The following SETD6 variants were observed in gnomAD, a reference collection of about 807,000 sequenced individuals.
SETD6 encodes SET domain containing 6, protein lysine methyltransferase.
In SETD6, 67 loss-of-function variants were observed where a neutral mutation model predicts 52.7. That is an observed-to-expected ratio of 1.27 (90% confidence interval 1.04 to 1.56). The LOEUF is 1.56. Ranked by LOEUF, SETD6 falls within the 40% of genes most tolerant of loss-of-function variation. The pLI, the probability that SETD6 is intolerant of heterozygous loss-of-function variation, is 0.00. For synonymous variants in SETD6, 307 were observed against 250.2 expected, an observed-to-expected ratio of 1.23 and a Z score of -2.14; for missense variants, 712 against 607.5, an observed-to-expected ratio of 1.17 and a Z score of -1.81.
rs1341833457 is a variant in SETD6, at chr16:58,517,334, T to C, written c.792+406T>C. The C allele has an allele frequency of 5.2e-5, 13 of 250,250 alleles. No homozygotes were observed. In the South Asian group the frequency reaches 6.0e-4, roughly 12 times the overall value. The allele number at this position is 250,250 out of a possible 1,614,324, so 15.5% of individuals were successfully genotyped here. ...GTCTAAGACGATCCTAGAACTGATA[T>C]AAAGCTGTGTTTATACCAGCTCTAT... On this transcript the variant is annotated intron_variant, in intron 5 of 7. Transcript: ENST00000219315.
intron 7 of SETD6, 68 bp downstream of exon 7, chr16:58,518,611 GA>G: frequency 6.3e-7 from 1 of 1,579,676 alleles, no homozygotes; most frequent in Non-Finnish European, 8.5e-7. Context: ...GCTAGAAGAT[GA>G]GAGAGGAAAT....
intron 3 of SETD6, 29 bp downstream of exon 3, chr16:58,516,372 G>A: frequency 1.2e-6 from 2 of 1,603,666 alleles, no homozygotes; most frequent in Non-Finnish European, 1.7e-6. Flanking sequence ...GTTGGGGAGC[G>A]CCTGCACCGT....
In SETD6 at chr16:58,515,796, G is replaced by A. The variant is rs1322949842; in HGVS notation, c.33G>A (p.Ala11=). 4 of 1,511,552 alleles carry A rather than the reference G, an allele frequency of 2.6e-6. No individual in the cohort carries two copies. Among genetic ancestry groups the A allele is most frequent in the South Asian group, 2.6e-5 (2 of 77,932 alleles). The allele number at this position is 1,511,552 out of a possible 1,614,324, so 93.6% of individuals were successfully genotyped here. A position where few individuals can be genotyped will look rare whatever the true frequency, so the allele number is the denominator to read the frequency against. The part of the protein sequence containing the change: MATQAKRPRV[A]GPVDGGDLDP... ...ACTGCGCGCACTTATCTCAGGTGGC[G>A]GGGCCCGTGGACGGCGGCGACCTGG... is the stretch of plus-strand genomic sequence containing the variant. The change falls in exon 2 of 8, where the codon GCG becomes GCA. Residue 11 remains alanine (A), a synonymous_variant. Transcript: ENST00000219315.
At chr16:58,515,662 G>A (rs2039097376) in intron 1 of SETD6, 98 bp downstream of exon 1, 24 of 1,411,286 alleles carry the variant, frequency 1.7e-5, no homozygotes, top group Non-Finnish European at 2.2e-5. Context: ...CCCTCCCGCG[G>A]GTCCCGCGCC....
At position 58,518,013 on chromosome 16, in the gene SETD6, G is replaced by A. The variant is rs78916270; in HGVS notation, c.793-38G>A. ...GAAATAATCTTCATGGGGCTGGCCC[G>A]TGAAAGGCATGGCCCCAGCTTCTCC... On this transcript the variant is annotated intron_variant, in intron 5 of 7. Transcript: ENST00000219315. The A allele has an allele frequency of 9.2e-4, 1,486 of 1,613,494 alleles. 10 individuals carry two copies. In the African/African-American group the frequency reaches 0.016, roughly 17 times the overall value.
chr16:58,523,602 A>T lies in SETD6; in HGVS notation c.*4573A>T. The T allele has an allele frequency of 9.1e-7, 1 of 1,098,842 alleles. No homozygotes were observed. The highest frequency in any genetic ancestry group is 1.3e-6 in the Non-Finnish European group (1 of 769,414). The allele number at this position is 1,098,842 out of a possible 1,614,324, so 68.1% of individuals were successfully genotyped here. ...GTTTGGGTTTCTGACAGAGGCTTTCAAATTAATCTTTGGTTTAAAGCAGTG... is the reference window on the plus strand; with the variant it reads ...GTTTGGGTTTCTGACAGAGGCTTTCTAATTAATCTTTGGTTTAAAGCAGTG... On this transcript the variant is annotated 3_prime_UTR_variant, in exon 8 of 8. Transcript: ENST00000219315.
chr16:58,516,334 C>T lies in SETD6; in HGVS notation c.467C>T (p.Pro156Leu), dbSNP rs753691468. ...LWPELGRLEHPMFWPEEERRC... is the reference protein window; with the variant it reads ...LWPELGRLEHLMFWPEEERRC... ...CCCGAGCTGGGCCGCTTGGAGCACC[C>T]GATGTTCTGGTGAGAGCCTTGGGAG... The change falls in exon 3 of 8, where the codon CCG becomes CTG. Residue 156 changes from proline (P) to leucine (L), a missense_variant. Physicochemically the swap from Pro to Leu is moderately conservative, Grantham distance 98. Coordinates refer to ENST00000219315, the MANE Select transcript of SETD6 (RefSeq NM_001160305.4). 20 of 1,609,210 alleles carry T rather than the reference C, an allele frequency of 1.2e-5. No individual in the cohort carries two copies. The highest frequency in any genetic ancestry group is 1.5e-5 in the Non-Finnish European group (18 of 1,179,926).
At position 58,516,562 on chromosome 16, in the gene SETD6, G is replaced by A. The variant is rs1313141801; in HGVS notation, c.561G>A (p.Glu187=). ...VEKDLANIRS[E]YQSIVLPFME... ...AGGATTTGGCCAACATCCGCAGCGA[G>A]TACCAGTCCATCGTGCTGCCCTTCA... is the stretch of plus-strand genomic sequence containing the variant. Residue 187 remains glutamate (E), a synonymous_variant, in exon 4 of 8, where the codon GAG becomes GAA. Transcript: ENST00000219315. The A allele has an allele frequency of 8.7e-6, 14 of 1,614,192 alleles. No homozygotes were observed. The highest frequency in any genetic ancestry group is 6.7e-5 in the Admixed American group (4 of 60,022).
At position 58,522,237 on chromosome 16, in the gene SETD6, C is replaced by CAAAAAAAAAAAAAAAAAA. The variant is rs56149974; in HGVS notation, c.*3221_*3238dup. 1.0e-5 allele frequency among the ~76,000 whole-genome samples: 1 copy of CAAAAAAAAAAAAAAAAAA among 98,556 alleles called. No individual in the cohort carries two copies. The highest frequency in any genetic ancestry group is 4.2e-5 in the African/African-American group (1 of 23,600). 64.7% of individuals were successfully genotyped at this position (98,556 alleles called of 152,430 possible). On this transcript the variant is annotated 3_prime_UTR_variant, in exon 8 of 8. Transcript: ENST00000219315. ...AGGAGGCGACAAAGCGAGACTGTCT[C>CAAAAAAAAAAAAAAAAAA]AAAAAAAAAAAAAAAAAAAAAAAAA... is the stretch of plus-strand genomic sequence containing the variant.
chr16:58,518,775 G>A lies in SETD6; in HGVS notation c.1168G>A (p.Gly390Arg). The A allele has an allele frequency of 6.2e-7, 1 of 1,614,166 alleles. No individual in the cohort carries two copies. The highest frequency in any genetic ancestry group is 8.5e-7 in the Non-Finnish European group (1 of 1,180,034). Residue 390 changes from glycine (G) to arginine (R), a missense_variant, in exon 8 of 8, where the codon GGG (glycine) becomes AGG (arginine). Gly to Arg is a moderately radical substitution (Grantham distance 125). Transcript: ENST00000219315. ...EFRELKDQDG[G>R]GDDKREEGSL... ...CAGAGAGCTTAAAGACCAGGATGGAGGGGGAGATGATAAAAGGGAAGAGGG... is the reference window on the plus strand; with the variant it reads ...CAGAGAGCTTAAAGACCAGGATGGAAGGGGAGATGATAAAAGGGAAGAGGG...
chr16:58,520,939 A>G lies in SETD6; in HGVS notation c.*1910A>G. On this transcript the variant is annotated 3_prime_UTR_variant, in exon 8 of 8. Transcript: ENST00000219315. ...GTGAGACCTCTAGACTGACACGTACAACAGAGATGCAGTTTCGTCTAACTG... is the reference window on the plus strand; with the variant it reads ...GTGAGACCTCTAGACTGACACGTACGACAGAGATGCAGTTTCGTCTAACTG... The G allele has an allele frequency of 6.2e-7, 1 of 1,611,194 alleles. No homozygotes were observed. Among genetic ancestry groups the G allele is most frequent in the Middle Eastern group, 1.6e-4 (1 of 6,062 alleles).
intron 5 of SETD6, 24 bp from the exon 6 acceptor site, chr16:58,518,027 C>T (rs746694572): frequency 1.2e-6 from 2 of 1,614,010 alleles, no homozygotes; most frequent in Admixed American, 1.7e-5. Flanking sequence ...AAGGCATGGC[C>T]CCAGCTTCTC....
Position 58,521,058 on chromosome 16 carries a change from A to G in SETD6, c.*2029A>G. On this transcript the variant is annotated 3_prime_UTR_variant, in exon 8 of 8. Coordinates refer to ENST00000219315, the MANE Select transcript of SETD6 (RefSeq NM_001160305.4). ...TAACCTGAAGGATGAAGACAGTTAC[A>G]AATCTCTGATTAAAGAGTAGGCCTA... 6.2e-7 allele frequency: 1 copy of G among 1,614,148 alleles called. No homozygotes were observed. The highest frequency in any genetic ancestry group is 8.5e-7 in the Non-Finnish European group (1 of 1,180,030).
At position 58,519,183 on chromosome 16, in the gene SETD6, G is replaced by T; in HGVS notation, c.*154G>T. The T allele has an allele frequency of 5.7e-6, 4 of 700,404 alleles. No individual in the cohort carries two copies. The highest frequency in any genetic ancestry group is 9.3e-6 in the Non-Finnish European group (4 of 431,598). The allele number at this position is 700,404 out of a possible 1,614,324, so 43.4% of individuals were successfully genotyped here. A position where few individuals can be genotyped will look rare whatever the true frequency, so the allele number is the denominator to read the frequency against. On this transcript the variant is annotated 3_prime_UTR_variant, in exon 8 of 8. Transcript: ENST00000219315. ...AGTTGGTGTGCTAGGATTAACTCAGGTAAGGGTGATGTGTTTTAGGATTGA... is the reference window on the plus strand; with the variant it reads ...AGTTGGTGTGCTAGGATTAACTCAGTTAAGGGTGATGTGTTTTAGGATTGA...
In SETD6 at chr16:58,517,478, A is replaced by AT. The variant is rs200239953; in HGVS notation, c.792+556dup. ...TCCCACTTTGATCTGCGAAAGTTCC[A>AT]TTTTTTCCCCCCCGAGGCGGAGTCT... On this transcript the variant is annotated intron_variant, in intron 5 of 7. Transcript: ENST00000219315. 1.6e-3 allele frequency: 278 copies of AT among 171,168 alleles called. 4 individuals are homozygous for AT. The East Asian group carries it at 0.039, about 24-fold the overall frequency. The allele number at this position is 171,168 out of a possible 1,614,324, so 10.6% of individuals were successfully genotyped here.
At chr16:58,518,265 A>G in intron 6 of SETD6, 34 bp downstream of exon 6, 1 of 1,613,008 alleles carries the variant, frequency 6.2e-7, no homozygotes, top group Non-Finnish European at 8.5e-7. Context: ...TTTGACACTG[A>G]TGGTGTGTCT....
rs1167452507 is a variant in SETD6, at chr16:58,518,910, C to G, written c.1303C>G (p.Gln435Glu). 6.2e-7 allele frequency: 1 copy of G among 1,614,132 alleles called. No individual in the cohort carries two copies. Among genetic ancestry groups the G allele is most frequent in the Non-Finnish European group, 8.5e-7 (1 of 1,180,024 alleles). The stretch of plus-strand genomic sequence containing the variant: ...CTATGCCACAGACTTAAAAACTGAC[C>G]AAGGTTTACTCAGTAATAAGGAAGT... ...QTYATDLKTDQGLLSNKEVYA... is the reference protein window; with the variant it reads ...QTYATDLKTDEGLLSNKEVYA... Residue 435 changes from glutamine (Q) to glutamate (E), a missense_variant, in exon 8 of 8, where the codon CAA becomes GAA. Coordinates refer to ENST00000219315, the MANE Select transcript of SETD6 (RefSeq NM_001160305.4).
In SETD6 at chr16:58,519,205, T is replaced by C. The variant is rs186560541; in HGVS notation, c.*176T>C. 4.4e-5 allele frequency: 27 copies of C among 618,352 alleles called. No homozygotes were observed. The highest frequency in any genetic ancestry group is 3.3e-4 in the African/African-American group (18 of 54,276). The allele number at this position is 618,352 out of a possible 1,614,324, so 38.3% of individuals were successfully genotyped here. On this transcript the variant is annotated 3_prime_UTR_variant, in exon 8 of 8. Transcript: ENST00000219315. ...CAGGTAAGGGTGATGTGTTTTAGGATTGAGAACAGCAGACTTGGGAATCAC... is the reference window on the plus strand; with the variant it reads ...CAGGTAAGGGTGATGTGTTTTAGGACTGAGAACAGCAGACTTGGGAATCAC...
At position 58,516,791 on chromosome 16, in the gene SETD6, G is replaced by A; in HGVS notation, c.672-17G>A. The A allele has an allele frequency of 6.2e-7, 1 of 1,614,212 alleles. No individual in the cohort carries two copies. The highest frequency in any genetic ancestry group is 8.5e-7 in the Non-Finnish European group (1 of 1,180,038). ...CTCACCCAAGACAGGGCCTTAGCCA[G>A]GTTCTGTCAATGGCAGCTTTCAGGA... On this transcript the variant is annotated splice_polypyrimidine_tract_variant and intron_variant, in intron 4 of 7. Transcript: ENST00000219315.
Sources: allele counts gnomAD v4.1 joint callset (sites outside exome capture counted in the v4.1 genomes callset), GRCh38; gene constraint gnomAD v4.1.1; transcripts MANE v1.5; gene names NCBI Gene and HGNC (gene_info 2026-07-23, HGNC 2026-07-21).